MAD1L1: variants seen among roughly 807,000 people sequenced by gnomAD.
MAD1L1 encodes mitotic arrest deficient 1 like 1.
In MAD1L1, 95 loss-of-function variants were observed where a neutral mutation model predicts 96.9. The observed-to-expected ratio is 0.98, with a 90% CI of 0.83 to 1.16. MAD1L1 has a LOEUF of 1.16. Ranked by LOEUF, MAD1L1 falls within the 50% of genes most tolerant of loss-of-function variation. The pLI is 0.00. For missense variants in MAD1L1, 1,007 were observed against 954.4 expected (o/e 1.06, Z -0.73); for synonymous variants, 473 against 396.6 (o/e 1.19, Z -2.29).
intron 10 of MAD1L1, among the ~76,000 whole-genome samples, chr7:2,177,884 C>T (rs1029333058): frequency 1.3e-5 from 2 of 152,246 alleles, no homozygotes. Flanking sequence ...ATCGCCATGA[C>T]TGACACCTGT....
At chr7:2,219,592 A>T (rs1376299628) in intron 5 of MAD1L1, 136 bp from the exon 6 acceptor site, 1 of 620,172 alleles carries the variant, frequency 1.6e-6, no homozygotes, top group Non-Finnish European at 2.4e-6. Context: ...AGAGGGGCAG[A>T]GGAATAAGGG....
chr7:1,884,583 C>G (rs1176918106), intron 18 of MAD1L1, among the ~76,000 whole-genome samples: 1 of 152,262 alleles, frequency 6.6e-6, no homozygotes, highest in Non-Finnish European at 1.5e-5. Context: ...CACTGCCGAA[C>G]TTTATTTCTG....
chr7:2,049,476 C>G (rs1037671899), intron 12 of MAD1L1, among the ~76,000 whole-genome samples: 1 of 152,224 alleles, frequency 6.6e-6, no homozygotes, highest in Non-Finnish European at 1.5e-5. Flanking sequence ...CACCAGCTCA[C>G]GGGCCTTCTG....
intron 16 of MAD1L1, among the ~76,000 whole-genome samples, chr7:1,944,251 G>A (rs1006457504): frequency 1.1e-4 from 16 of 152,190 alleles, no homozygotes; most frequent in African/African-American, 3.4e-4. Flanking sequence ...TAGAGGGTTC[G>A]GGCTTCCTTG....
chr7:2,171,389 C>A (rs968994641), intron 10 of MAD1L1, among the ~76,000 whole-genome samples: 3 of 152,230 alleles, frequency 2.0e-5, no homozygotes, highest in Non-Finnish European at 4.4e-5. Flanking sequence ...TGCACACATG[C>A]CCCACAAAGA....
intron 11 of MAD1L1, among the ~76,000 whole-genome samples, chr7:2,139,230 C>T (rs1411190269): frequency 6.6e-6 from 1 of 152,012 alleles, no homozygotes; most frequent in East Asian, 1.9e-4. Context: ...GGGGATCACA[C>T]GGCCCGACCC....
intron 11 of MAD1L1, among the ~76,000 whole-genome samples, chr7:2,084,349 T>A (rs1166427248): frequency 6.6e-6 from 1 of 152,114 alleles, no homozygotes; most frequent in Non-Finnish European, 1.5e-5. Flanking sequence ...AGGCCAGGAA[T>A]GCCAAGGGCC....
At chr7:2,069,043 A>C (rs937474276) in intron 12 of MAD1L1, 151 bp downstream of exon 12, 2 of 1,017,314 alleles carry the variant, frequency 2.0e-6, no homozygotes, top group African/African-American at 3.3e-5. Flanking sequence ...ACTCTCTGGC[A>C]TTCCCAGAAC....
At chr7:2,124,134 C>A (rs1366576558) in intron 11 of MAD1L1, among the ~76,000 whole-genome samples, 4 of 152,238 alleles carry the variant, frequency 2.6e-5, no homozygotes, top group African/African-American at 9.6e-5. Flanking sequence ...CAGCTCTCCA[C>A]AGGTCAGAGG....
In MAD1L1 at chr7:2,088,058, AG is replaced by A. The variant is rs1266585819; in HGVS notation, c.1074-18721del. ...CTTGAGGCTCTAGGAGAGTTAGAGA[AG>A]AAGAAGACTGGGACTCGGACCACAC... On this transcript the variant is annotated intron_variant, in intron 11 of 18. Coordinates refer to ENST00000265854, the MANE Select transcript of MAD1L1 (RefSeq NM_001013836.2). The surrounding 1 kb of genome is among the most constrained non-coding windows in gnomAD (Gnocchi z 4.4). Among the ~76,000 whole-genome samples, 2 of 150,860 alleles carry A rather than the reference AG, an allele frequency of 1.3e-5. No individual in the cohort carries two copies. The highest frequency in any genetic ancestry group is 3.0e-5 in the Non-Finnish European group (2 of 67,478).
chr7:2,068,300 G>A (rs1041639028), intron 12 of MAD1L1, among the ~76,000 whole-genome samples: 6 of 152,194 alleles, frequency 3.9e-5, no homozygotes, highest in Non-Finnish European at 5.9e-5. Flanking sequence ...GCATGGAGCC[G>A]CCCAGAGCGA....
intron 18 of MAD1L1, among the ~76,000 whole-genome samples, chr7:1,883,977 C>T (rs1279128013): frequency 5.3e-5 from 8 of 152,210 alleles, no homozygotes; most frequent in African/African-American, 9.6e-5. Flanking sequence ...GAGGAGGAAC[C>T]GCAGGCCCCG....
At chr7:2,047,323 G>A (rs535977333) in intron 12 of MAD1L1, among the ~76,000 whole-genome samples, 2 of 152,302 alleles carry the variant, frequency 1.3e-5, no homozygotes, top group African/African-American at 4.8e-5. Context: ...TGCAGACCGT[G>A]CCGATGATTG....
At chr7:1,902,609 T>C (rs1488600366) in intron 17 of MAD1L1, among the ~76,000 whole-genome samples, 2 of 152,266 alleles carry the variant, frequency 1.3e-5, no homozygotes, top group Admixed American at 6.5e-5. Flanking sequence ...ACTTCCGCCC[T>C]TCCCCGGGGC....
chr7:2,187,756 G>C (rs1791530165), intron 10 of MAD1L1, among the ~76,000 whole-genome samples: 1 of 152,230 alleles, frequency 6.6e-6, no homozygotes, highest in Non-Finnish European at 1.5e-5. Context: ...CCATGTTTGA[G>C]TTGTGAACTG....
chr7:1,884,808 T>C (rs1278105776), intron 18 of MAD1L1, among the ~76,000 whole-genome samples: 1 of 152,172 alleles, frequency 6.6e-6, no homozygotes, highest in African/African-American at 2.4e-5. Context: ...GGGGGCAGCC[T>C]GAGCCACAGC....
intron 12 of MAD1L1, among the ~76,000 whole-genome samples, chr7:2,025,446 C>A (rs761607257): frequency 2.0e-5 from 3 of 152,062 alleles, no homozygotes; most frequent in Admixed American, 6.6e-5. Flanking sequence ...GATTTTATAC[C>A]CAGCAAAACT....
intron 18 of MAD1L1, among the ~76,000 whole-genome samples, chr7:1,880,216 A>G (rs1260309023): frequency 6.6e-6 from 1 of 152,172 alleles, no homozygotes; most frequent in African/African-American, 2.4e-5. Context: ...ACCTGGGCTG[A>G]TGACATCCAT....
At chr7:2,193,075 A>C (rs1053905599) in intron 10 of MAD1L1, among the ~76,000 whole-genome samples, 4 of 152,186 alleles carry the variant, frequency 2.6e-5, no homozygotes, top group African/African-American at 9.7e-5. Context: ...CACAGTACAA[A>C]TAGACCCGGA....
Sources: allele counts gnomAD v4.1 joint callset (sites outside exome capture counted in the v4.1 genomes callset), GRCh38; gene constraint gnomAD v4.1.1; non-coding constraint Gnocchi (gnomAD v3.1); transcripts MANE v1.5; gene names NCBI Gene and HGNC (gene_info 2026-07-23, HGNC 2026-07-21).